Variants in RABGGTB observed in about 807,000 individuals in gnomAD.
The protein encoded by RABGGTB is Rab geranylgeranyltransferase subunit beta, also known as geranylgeranyl transferase type-2 subunit beta.
In RABGGTB, 20 loss-of-function variants were observed where a neutral mutation model predicts 44.5. The ratio of observed to expected loss-of-function variants is 0.45; its 90% CI spans 0.32 to 0.65. The LOEUF (loss-of-function observed/expected upper bound fraction) is 0.65. RABGGTB is among the 30% of genes least tolerant of loss of function. The pLI, the probability that RABGGTB is intolerant of heterozygous loss-of-function variation, is 0.05. For synonymous variants in RABGGTB, 128 were observed against 136.7 expected (o/e 0.94, Z 0.44); for missense variants, 302 against 398.7 (o/e 0.76, Z 2.06).
At chr1:75,787,657 C>A in intron 2 of RABGGTB, 53 bp downstream of exon 2, 1 of 1,387,876 alleles carries the variant, frequency 7.2e-7, no homozygotes, top group Non-Finnish European at 1.0e-6. Flanking sequence ...GTGTGACAGT[C>A]ATAAGCAGTG....
intron 8 of RABGGTB, 65 bp from the exon 9 acceptor site, chr1:75,794,443 GTA>G (rs1649720582): frequency 6.7e-7 from 1 of 1,486,190 alleles, no homozygotes; most frequent in Non-Finnish European, 9.2e-7. Context: ...TAAAGGTCAG[GTA>G]TTCATAATTT....
At chr1:75,793,054 T>C (rs891532822) in intron 7 of RABGGTB, among the ~76,000 whole-genome samples, 3 of 152,324 alleles carry the variant, frequency 2.0e-5, no homozygotes, top group Non-Finnish European at 4.4e-5. Context: ...CCTCGTGATC[T>C]GCCTGCATCA....
intron 2 of RABGGTB, chr1:75,788,113 G>A (rs1649545611): frequency 3.0e-6 from 1 of 332,804 alleles, no homozygotes; most frequent in Non-Finnish European, 5.9e-6. Context: ...CCGATTTGTG[G>A]GATATATGGT....
At chr1:75,790,731 T>G (rs905356719) in intron 4 of RABGGTB, among the ~76,000 whole-genome samples, 5 of 152,038 alleles carry the variant, frequency 3.3e-5, no homozygotes, top group Admixed American at 2.6e-4. Context: ...CAGGCTGGAG[T>G]GCAGTGGTGC....
At chr1:75,791,367 T>G in intron 5 of RABGGTB, 30 bp downstream of exon 5, 3 of 1,598,204 alleles carry the variant, frequency 1.9e-6, no homozygotes, top group Non-Finnish European at 2.6e-6. Context: ...TTGAAATGAT[T>G]AAAGTTCATG....
intron 1 of RABGGTB, chr1:75,786,598 T>C: frequency 5.5e-6 from 2 of 361,754 alleles, no homozygotes; most frequent in Non-Finnish European, 1.0e-5. Context: ...CAAAGATTTC[T>C]TTAAAATCGT....
At position 75,794,937 on chromosome 1, in the gene RABGGTB, A is replaced by AT. The variant is rs1324195700; in HGVS notation, c.*292dup. On this transcript the variant is annotated 3_prime_UTR_variant, in exon 9 of 9. Transcript: ENST00000319942. ...TAAAATAACTCTAGGTTTCTACTTG[A>AT]TTTTTCCCCCATGTATACCTTTCAT... is the stretch of plus-strand genomic sequence containing the variant. 5.9e-5 allele frequency: 11 copies of AT among 185,708 alleles called. No homozygotes were observed. Among genetic ancestry groups the AT allele is most frequent in the Admixed American group, 5.7e-5 (1 of 17,458 alleles). The allele number at this position is 185,708 out of a possible 1,614,324, so 11.5% of individuals were successfully genotyped here.
chr1:75,792,811 A>G lies in RABGGTB; in HGVS notation c.705+505A>G, dbSNP rs1029179601. 5.3e-5 allele frequency among the ~76,000 whole-genome samples: 8 copies of G among 152,234 alleles called. 1 individual carries two copies. Among genetic ancestry groups the G allele is most frequent in the African/African-American group, 1.9e-4 (8 of 41,542 alleles). ...ATGAGTATGGCTGTGTTCCAATTAC[A>G]ATTATTATGGATGGATATACTTGTA... On this transcript the variant is annotated intron_variant, in intron 7 of 8. Coordinates refer to ENST00000319942, the MANE Select transcript of RABGGTB (RefSeq NM_004582.4).
chr1:75,786,245 C>G (rs765581450), upstream of RABGGTB: 2 of 1,614,086 alleles, frequency 1.2e-6, no homozygotes, highest in Admixed American at 1.7e-5. Flanking sequence ...CAGGAACTGA[C>G]CCTGCTCTCT....
chr1:75,790,149 C>T, intron 4 of RABGGTB, 92 bp downstream of exon 4: 1 of 1,563,902 alleles, frequency 6.4e-7, no homozygotes, highest in Non-Finnish European at 8.6e-7. Context: ...TTCATCTTTT[C>T]AGGTCCCACT....
chr1:75,791,068 G>A (rs1261582505), intron 4 of RABGGTB, among the ~76,000 whole-genome samples: 1 of 152,134 alleles, frequency 6.6e-6, no homozygotes, highest in Non-Finnish European at 1.5e-5. Flanking sequence ...GGAATTATAG[G>A]CAAGAGCTAC....
Position 75,794,113 on chromosome 1 carries a change from C to T in RABGGTB, c.735C>T (p.Val245=). ...KLPDVCYSWW[V]LASLKIIGRL... is the part of the protein sequence containing the mutation. ...CAGATGTATGCTACTCATGGTGGGT[C>T]CTGGCTTCCCTAAAGATAATTGGAA... Residue 245 remains valine, a synonymous_variant, in exon 8 of 9, where the codon GTC becomes GTT. Coordinates refer to ENST00000319942, the MANE Select transcript of RABGGTB (RefSeq NM_004582.4). 6.2e-7 allele frequency: 1 copy of T among 1,613,388 alleles called. No individual in the cohort carries two copies. Among genetic ancestry groups the T allele is most frequent in the Non-Finnish European group, 8.5e-7 (1 of 1,179,636 alleles).
intron 1 of RABGGTB, 26 bp downstream of exon 1, chr1:75,786,300 C>G (rs781757072): frequency 6.2e-7 from 1 of 1,614,052 alleles, no homozygotes; most frequent in Admixed American, 1.7e-5. Flanking sequence ...GCGCTGCTGT[C>G]CGGATGGGTT....
At chr1:75,790,958 T>A (rs79377083) in intron 4 of RABGGTB, among the ~76,000 whole-genome samples, 3,198 of 152,244 alleles carry the variant, frequency 0.021, 105 homozygotes, top group African/African-American at 0.071. Flanking sequence ...TAATTTTTTT[T>A]AAAAAGTTTT....
At chr1:75,791,399 T>TC (rs1456164711) in intron 5 of RABGGTB, 62 bp downstream of exon 5, 46 of 1,585,114 alleles carry the variant, frequency 2.9e-5, no homozygotes, top group Non-Finnish European at 3.9e-5. Context: ...ATTTTTTTTT[T>TC]TTTTGAGTCT....
At position 75,790,067 on chromosome 1, in the gene RABGGTB, G is replaced by A; in HGVS notation, c.415+10G>A. On this transcript the variant is annotated intron_variant, in intron 4 of 8. Coordinates refer to ENST00000319942, the MANE Select transcript of RABGGTB (RefSeq NM_004582.4). ...GCTGGAGATATTTGGGGTAATGTCA[G>A]ATTTAGTCCATTCTACCCAAAATAC... 3.1e-6 allele frequency: 5 copies of A among 1,611,520 alleles called. No individual in the cohort carries two copies. Among genetic ancestry groups the A allele is most frequent in the Non-Finnish European group, 4.2e-6 (5 of 1,178,202 alleles).
intron 7 of RABGGTB, chr1:75,793,804 A>G (rs1214651705): frequency 3.3e-6 from 1 of 302,132 alleles, no homozygotes; most frequent in South Asian, 1.1e-4. Flanking sequence ...GCAGATAGAA[A>G]CAAAGCAGAT....
chr1:75,790,517 G>A, intron 4 of RABGGTB: 1 of 995,536 alleles, frequency 1.0e-6, no homozygotes, highest in South Asian at 4.7e-5. Flanking sequence ...TATAAAGTAG[G>A]GTAAGTTTAT....
intron 3 of RABGGTB, 85 bp from the exon 4 acceptor site, chr1:75,789,867 G>A: frequency 1.0e-6 from 1 of 994,588 alleles, no homozygotes; most frequent in Non-Finnish European, 1.6e-6. Context: ...AAAAGGATGT[G>A]CTTGACAACT....
Sources: allele counts gnomAD v4.1 joint callset (sites outside exome capture counted in the v4.1 genomes callset), GRCh38; gene constraint gnomAD v4.1.1; transcripts MANE v1.5; gene names NCBI Gene and HGNC (gene_info 2026-07-23, HGNC 2026-07-21).